SLCO1B1: variants seen among roughly 807,000 people sequenced by gnomAD.
The protein encoded by SLCO1B1 is solute carrier organic anion transporter family member 1B1.
SLCO1B1 carries 81 observed loss-of-function variants against 70.1 expected under a neutral mutation model. That is an observed-to-expected ratio of 1.16 (90% CI 0.97 to 1.39). SLCO1B1 has a LOEUF of 1.39. Among genes scored for constraint, SLCO1B1 ranks in the 40% most tolerant of loss-of-function variants. The pLI is 0.00. For missense variants in SLCO1B1, 895 were observed against 799.6 expected, an observed-to-expected ratio of 1.12 and a Z score of -1.44; for synonymous variants, 283 against 271.5, an observed-to-expected ratio of 1.04 and a Z score of -0.42.
intron 7 of SLCO1B1, among the ~76,000 whole-genome samples, chr12:21,191,591 T>A (rs1245188582): frequency 1.3e-5 from 2 of 152,142 alleles, no homozygotes; most frequent in African/African-American, 4.8e-5. Context: ...AGAGGCAATT[T>A]TACTTCTTTC....
intron 7 of SLCO1B1, among the ~76,000 whole-genome samples, chr12:21,188,259 C>G (rs1398056663): frequency 6.6e-6 from 1 of 152,102 alleles, no homozygotes; most frequent in Non-Finnish European, 1.5e-5. Context: ...AAAGCAAGAC[C>G]AGTGCCTCCC....
chr12:21,138,932 CTG>C (rs980177617), intron 1 of SLCO1B1, among the ~76,000 whole-genome samples: 5 of 152,010 alleles, frequency 3.3e-5, no homozygotes, highest in Non-Finnish European at 7.4e-5. Flanking sequence ...CAAATAGAAA[CTG>C]TGAATTTTAT....
intron 5 of SLCO1B1, 114 bp from the exon 6 acceptor site, chr12:21,178,457 ACTTGT>A (rs1940848156): frequency 3.1e-4 from 82 of 268,664 alleles, no homozygotes; most frequent in Non-Finnish European, 4.9e-4. Context: ...AATATAAATT[ACTTGT>A]ACTTGTAAAT....
intron 2 of SLCO1B1, among the ~76,000 whole-genome samples, chr12:21,142,496 T>A (rs1591796665): frequency 6.6e-6 from 1 of 152,056 alleles, no homozygotes; most frequent in African/African-American, 2.4e-5. Context: ...GTTTTAACTT[T>A]TTTATTTAGT....
Position 21,225,234 on chromosome 12 carries a change from C to T in SLCO1B1, c.1865+395C>T, listed in dbSNP as rs772089050. Among the ~76,000 whole-genome samples the T allele has an allele frequency of 2.6e-5, 4 of 151,874 alleles. No individual in the cohort carries two copies. In the East Asian group the frequency reaches 5.8e-4, roughly 22 times the overall value. Reference sequence around the variant, plus strand: ...ATATATATATGCATGTGTGTGTATTCGATTGCCTCTGACTTCTCTAGAAAG... The same window carrying T: ...ATATATATATGCATGTGTGTGTATTTGATTGCCTCTGACTTCTCTAGAAAG... On this transcript the variant is annotated intron_variant, in intron 14 of 14. Transcript: ENST00000256958.
intron 12 of SLCO1B1, among the ~76,000 whole-genome samples, chr12:21,219,920 C>T (rs1312731534): frequency 2.6e-5 from 4 of 152,152 alleles, no homozygotes; most frequent in Non-Finnish European, 5.9e-5. Flanking sequence ...CGCCACCGTG[C>T]CTGACTAATT....
chr12:21,180,767 A>T (rs1940885807), intron 7 of SLCO1B1, among the ~76,000 whole-genome samples: 1 of 152,084 alleles, frequency 6.6e-6, no homozygotes, highest in African/African-American at 2.4e-5. Context: ...TACTCATTCA[A>T]CTCCAGTTTC....
chr12:21,165,713 G>A (rs1940675618), intron 2 of SLCO1B1, among the ~76,000 whole-genome samples: 1 of 152,020 alleles, frequency 6.6e-6, no homozygotes. Flanking sequence ...ATGCTGGAGA[G>A]CTCACTAGAT....
intron 11 of SLCO1B1, among the ~76,000 whole-genome samples, chr12:21,214,885 G>A (rs1941339216): frequency 6.6e-6 from 1 of 151,910 alleles, no homozygotes; most frequent in African/African-American, 2.4e-5. Context: ...GACCCCTTGC[G>A]CTTCCCAAGC....
chr12:21,178,657 T>C lies in SLCO1B1; in HGVS notation c.563T>C (p.Ile188Thr). 6.2e-7 allele frequency: 1 copy of C among 1,604,878 alleles called. No individual in the cohort carries two copies. ...NMLRGIGETPIVPLGLSYIDD... is the reference protein window; with the variant it reads ...NMLRGIGETPTVPLGLSYIDD... ...CTTCGTGGAATAGGGGAGACTCCCA[T>C]AGTACCATTGGGGCTTTCTTACATT... The change falls in exon 6 of 15, where the codon ATA (isoleucine) becomes ACA (threonine). Residue 188 changes from isoleucine (I) to threonine (T), a missense_variant. Coordinates refer to ENST00000256958, the MANE Select transcript of SLCO1B1 (RefSeq NM_006446.5).
At chr12:21,155,923 C>G (rs759738435) in intron 2 of SLCO1B1, among the ~76,000 whole-genome samples, 51 of 152,150 alleles carry the variant, frequency 3.4e-4, no homozygotes, top group Non-Finnish European at 4.4e-4. Flanking sequence ...TGATTTTACT[C>G]TGGAGGACAC....
intron 7 of SLCO1B1, among the ~76,000 whole-genome samples, chr12:21,181,955 T>C (rs1940904070): frequency 6.6e-6 from 1 of 152,150 alleles, no homozygotes; most frequent in South Asian, 2.1e-4. Context: ...TACACAAATC[T>C]ATTATAAGAA....
At chr12:21,135,489 A>C (rs898379264) in intron 1 of SLCO1B1, among the ~76,000 whole-genome samples, 6 of 152,144 alleles carry the variant, frequency 3.9e-5, no homozygotes, top group Non-Finnish European at 7.4e-5. Flanking sequence ...GTAGGTCACT[A>C]AGGACTTGCT....
intron 7 of SLCO1B1, among the ~76,000 whole-genome samples, chr12:21,193,009 ACTTTT>A (rs1466239573): frequency 6.6e-6 from 1 of 152,074 alleles, no homozygotes; most frequent in Non-Finnish European, 1.5e-5. Context: ...AAAATTTTCT[ACTTTT>A]CTTTTTGATA....
At chr12:21,182,362 C>G (rs1373438796) in intron 7 of SLCO1B1, among the ~76,000 whole-genome samples, 1 of 152,092 alleles carries the variant, frequency 6.6e-6, no homozygotes, top group African/African-American at 2.4e-5. Flanking sequence ...AGCCTTGAAC[C>G]CAGGGGGTTT....
intron 2 of SLCO1B1, among the ~76,000 whole-genome samples, chr12:21,170,280 G>A (rs896028282): frequency 6.6e-6 from 1 of 152,190 alleles, no homozygotes; most frequent in Non-Finnish European, 1.5e-5. Flanking sequence ...TCTAGTGAGA[G>A]AGACTGGAAA....
intron 11 of SLCO1B1, among the ~76,000 whole-genome samples, chr12:21,213,320 A>T (rs373175277): frequency 4.6e-5 from 7 of 151,920 alleles, no homozygotes; most frequent in Non-Finnish European, 1.0e-4. Flanking sequence ...TCCTTCGCTT[A>T]TGAAGCTTAG....
intron 2 of SLCO1B1, among the ~76,000 whole-genome samples, chr12:21,167,593 A>G (rs1258723164): frequency 6.6e-6 from 1 of 152,174 alleles, no homozygotes; most frequent in African/African-American, 2.4e-5. Flanking sequence ...TAAAAAACAC[A>G]TAACATTAAA....
chr12:21,207,492 G>A (rs1434980457), intron 11 of SLCO1B1, among the ~76,000 whole-genome samples: 1 of 151,974 alleles, frequency 6.6e-6, no homozygotes, highest in Non-Finnish European at 1.5e-5. Context: ...TGGCCATGTA[G>A]TATTCCATTG....
Sources: gnomAD v4.1 joint callset for allele counts (sites outside exome capture counted in the v4.1 genomes callset) on GRCh38, gnomAD v4.1.1 for gene constraint, MANE v1.5 for transcripts, NCBI Gene and HGNC (gene_info 2026-07-23, HGNC 2026-07-21) for gene names.